BRINP3: variants seen among roughly 807,000 people sequenced by gnomAD.
The protein encoded by BRINP3 is BMP/retinoic acid-inducible neural-specific protein 3.
Under a neutral mutation model 71.0 loss-of-function variants are expected in BRINP3, and 19 were observed. That is an observed-to-expected ratio of 0.27 (90% CI 0.19 to 0.39). The LOEUF is 0.39. Ranked by LOEUF, BRINP3 falls within the 10% of genes least tolerant of loss-of-function variation. The pLI is 1.00. For synonymous variants in BRINP3, 380 were observed against 337.7 expected, an observed-to-expected ratio of 1.13 and a Z score of -1.37; for missense variants, 959 against 940.8, an observed-to-expected ratio of 1.02 and a Z score of -0.25.
chr1:190,409,595 C>G (rs575866543), intron 2 of BRINP3, among the ~76,000 whole-genome samples: 2 of 152,136 alleles, frequency 1.3e-5, no homozygotes, highest in Non-Finnish European at 2.9e-5. Context: ...AGGTTTCAAG[C>G]AATTTCCCTT....
In BRINP3 at chr1:190,405,472, AAAAAAAAAAAAAAAAAAAAAC is replaced by A. The variant is rs1246114729; in HGVS notation, c.236+49162_236+49182del. Among the ~76,000 whole-genome samples the A allele has an allele frequency of 1.6e-3, 148 of 90,598 alleles. 6 individuals carry two copies. Among genetic ancestry groups the A allele is most frequent in the African/African-American group, 4.2e-3 (83 of 19,582 alleles). 59.4% of individuals were successfully genotyped at this position (90,598 alleles called of 152,430 possible). On this transcript the variant is annotated intron_variant, in intron 2 of 7. Coordinates refer to ENST00000367462, the MANE Select transcript of BRINP3 (RefSeq NM_199051.3). ...TCTCAAAAAAAAAAAAAAAAAAAAA[AAAAAAAAAAAAAAAAAAAAAC>A]CAGAATCAGAAGCGTGACATATCAT...
chr1:190,126,006 T>C (rs2102334607), intron 7 of BRINP3, among the ~76,000 whole-genome samples: 1 of 150,680 alleles, frequency 6.6e-6, no homozygotes, highest in Admixed American at 6.6e-5. Flanking sequence ...CTAACATAAG[T>C]GTGAAAAATA....
chr1:190,405,939 G>A (rs561732292), intron 2 of BRINP3, among the ~76,000 whole-genome samples: 12 of 152,294 alleles, frequency 7.9e-5, no homozygotes, highest in Non-Finnish European at 1.2e-4. Flanking sequence ...GGTACAGAAT[G>A]CTTAGTAATA....
At chr1:190,195,601 T>G (rs1202304736) in intron 6 of BRINP3, among the ~76,000 whole-genome samples, 2 of 152,080 alleles carry the variant, frequency 1.3e-5, no homozygotes, top group African/African-American at 2.4e-5. Flanking sequence ...GTATGAAGAA[T>G]TCCTTTTCTT....
intron 2 of BRINP3, among the ~76,000 whole-genome samples, chr1:190,383,113 T>C (rs1670656163): frequency 6.6e-6 from 1 of 152,154 alleles, no homozygotes; most frequent in Non-Finnish European, 1.5e-5. Context: ...TTCCTCCCTA[T>C]TCAACTCATT....
At chr1:190,260,727 G>C (rs1661113693) in intron 4 of BRINP3, among the ~76,000 whole-genome samples, 1 of 152,022 alleles carries the variant, frequency 6.6e-6, no homozygotes, top group Non-Finnish European at 1.5e-5. Flanking sequence ...TTTCAGAAAT[G>C]TAAATTTAGA....
intron 6 of BRINP3, among the ~76,000 whole-genome samples, chr1:190,195,458 T>C (rs1292871457): frequency 6.6e-6 from 1 of 152,002 alleles, no homozygotes; most frequent in Non-Finnish European, 1.5e-5. Context: ...GTAATCTTAA[T>C]AGGTACCTTA....
At chr1:190,285,286 G>A (rs751213206) in intron 2 of BRINP3, among the ~76,000 whole-genome samples, 4 of 152,054 alleles carry the variant, frequency 2.6e-5, no homozygotes, top group Non-Finnish European at 4.4e-5. Context: ...AGACATTACT[G>A]ATGACATTTT....
rs560018228 is a variant in BRINP3, at chr1:190,217,776, C to T, written c.961+8306G>A. ...CACTGTTTTCCCAATATCGACATAA[C>T]GGCATCCACTATGGCAAGAGCCTTT... On this transcript the variant is annotated intron_variant, in intron 6 of 7. Transcript: ENST00000367462. 4.5e-4 allele frequency among the ~76,000 whole-genome samples: 69 copies of T among 152,036 alleles called. 1 individual carries two copies. The highest frequency in any genetic ancestry group is 1.4e-3 in the African/African-American group (59 of 41,540).
At chr1:190,390,371 C>T (rs1052858769) in intron 2 of BRINP3, among the ~76,000 whole-genome samples, 4 of 151,706 alleles carry the variant, frequency 2.6e-5, no homozygotes, top group Non-Finnish European at 4.4e-5. Context: ...ATGTCTAAGA[C>T]ATGACCATGG....
chr1:190,232,576 TGGA>T (rs1658097658), intron 5 of BRINP3, among the ~76,000 whole-genome samples: 1 of 151,604 alleles, frequency 6.6e-6, no homozygotes, highest in Non-Finnish European at 1.5e-5. Flanking sequence ...GTGAAAGAGA[TGGA>T]GGTTTCTGAG....
chr1:190,219,244 C>G (rs1656668536), intron 6 of BRINP3, among the ~76,000 whole-genome samples: 1 of 151,978 alleles, frequency 6.6e-6, no homozygotes, highest in African/African-American at 2.4e-5. Flanking sequence ...ATGACCTCCT[C>G]AAAAAGACAG....
intron 7 of BRINP3, among the ~76,000 whole-genome samples, chr1:190,118,764 T>C (rs1297509191): frequency 1.3e-5 from 2 of 152,170 alleles, no homozygotes. Flanking sequence ...CATCAATCAA[T>C]TGTAAAAGAT....
chr1:190,136,771 T>G (rs535473453), intron 7 of BRINP3, among the ~76,000 whole-genome samples: 1 of 152,206 alleles, frequency 6.6e-6, no homozygotes, highest in Admixed American at 6.5e-5. Flanking sequence ...TTTTCCAAAA[T>G]ACTAATAGGA....
At chr1:190,227,877 T>C (rs1571423330) in intron 5 of BRINP3, among the ~76,000 whole-genome samples, 2 of 151,948 alleles carry the variant, frequency 1.3e-5, no homozygotes, top group African/African-American at 4.8e-5. Flanking sequence ...TGTCAGGGAA[T>C]ATAGAATTAA....
chr1:190,454,819 A>C lies in BRINP3; in HGVS notation c.72T>G (p.Ser24Arg). 1 of 1,614,028 alleles carries C rather than the reference A, an allele frequency of 6.2e-7. No individual in the cohort carries two copies. The highest frequency in any genetic ancestry group is 8.5e-7 in the Non-Finnish European group (1 of 1,180,004). The change falls in exon 2 of 8, where the codon AGT becomes AGG. Residue 24 changes from serine (S) to arginine (R), a missense_variant. By Grantham distance (110) the Ser-to-Arg change is moderately radical (BLOSUM62 -1). Transcript: ENST00000367462. Reference sequence around the variant, plus strand: ...CAACCGCTAAAACCCAGCAATGAAGACTCAGTGCTATCCACTCCCATAGAG... The same window carrying C: ...CAACCGCTAAAACCCAGCAATGAAGCCTCAGTGCTATCCACTCCCATAGAG... Reference protein sequence around the residue: ...LMALWEWIALSLHCWVLAVAA... With the variant: ...LMALWEWIALRLHCWVLAVAA...
chr1:190,178,471 AC>A (rs1319190612), intron 6 of BRINP3, among the ~76,000 whole-genome samples: 1 of 152,164 alleles, frequency 6.6e-6, no homozygotes, highest in Non-Finnish European at 1.5e-5. Context: ...AAATAAATGC[AC>A]CTTTTTGCCA....
chr1:190,160,133 C>A (rs1203515861), intron 7 of BRINP3, among the ~76,000 whole-genome samples: 1 of 151,936 alleles, frequency 6.6e-6, no homozygotes, highest in Non-Finnish European at 1.5e-5. Flanking sequence ...CACTGCTTCC[C>A]CAAGTCAGTT....
chr1:190,200,498 A>G (rs1367986601), intron 6 of BRINP3, among the ~76,000 whole-genome samples: 1 of 152,124 alleles, frequency 6.6e-6, no homozygotes, highest in Admixed American at 6.6e-5. Flanking sequence ...ATTTCATATA[A>G]CCTTTATTTT....
Sources: gnomAD v4.1 joint callset for allele counts (sites outside exome capture counted in the v4.1 genomes callset) on GRCh38, gnomAD v4.1.1 for gene constraint, MANE v1.5 for transcripts, NCBI Gene and HGNC (gene_info 2026-07-23, HGNC 2026-07-21) for gene names.